KLRB1: variants seen among roughly 807,000 people sequenced by gnomAD.
KLRB1 encodes killer cell lectin like receptor B1.
KLRB1 carries 27 observed loss-of-function variants against 33.5 expected under a neutral mutation model. The ratio of observed to expected loss-of-function variants is 0.81; its 90% CI spans 0.59 to 1.11. KLRB1 has a LOEUF of 1.11. Among genes scored for constraint, KLRB1 ranks in the 50% most tolerant of loss-of-function variants. The pLI is 0.00. For synonymous variants in KLRB1, 64 were observed against 88.9 expected, an observed-to-expected ratio of 0.72 and a Z score of 1.58; for missense variants, 241 against 254.1, an observed-to-expected ratio of 0.95 and a Z score of 0.35.
intron 1 of KLRB1, among the ~76,000 whole-genome samples, chr12:9,607,518 G>A (rs933126325): frequency 6.6e-6 from 1 of 151,566 alleles, no homozygotes; most frequent in Non-Finnish European, 1.5e-5. Flanking sequence ...CCAAGGCTCA[G>A]TAAGACAAGT....
chr12:9,597,106 T>C (rs935459789), intron 5 of KLRB1, among the ~76,000 whole-genome samples: 1 of 152,146 alleles, frequency 6.6e-6, no homozygotes, highest in African/African-American at 2.4e-5. Flanking sequence ...TTTAATACTT[T>C]CCATACTTAA....
At chr12:9,595,466 C>A in intron 5 of KLRB1, 45 bp from the exon 6 acceptor site, 1 of 1,575,692 alleles carries the variant, frequency 6.3e-7, no homozygotes, top group Non-Finnish European at 8.7e-7. Context: ...ATGATTTTCT[C>A]AGAGCTATTC....
At chr12:9,606,777 G>T (rs1159097975) in intron 1 of KLRB1, among the ~76,000 whole-genome samples, 459 of 31,968 alleles carry the variant, frequency 0.014, no homozygotes, top group Middle Eastern at 0.019. Flanking sequence ...TTTTTTTTTT[G>T]AGATAGTCTT....
rs1555097806 is a variant in KLRB1, at chr12:9,607,366, T to TTCTTTCTTTCTTTCTC, written c.85+388_85+389insGAGAAAGAAAGAAAGA. 2.4e-3 allele frequency among the ~76,000 whole-genome samples: 200 copies of TTCTTTCTTTCTTTCTC among 82,146 alleles called. 2 individuals carry two copies. The highest frequency in any genetic ancestry group is 6.4e-3 in the Middle Eastern group (1 of 156). The allele number at this position is 82,146 out of a possible 152,430, so 53.9% of individuals were successfully genotyped here. The stretch of plus-strand genomic sequence containing the variant: ...TTTCTTTCTTTCTTCCTTTCTTTCT[T>TTCTTTCTTTCTTTCTC]TCTTTCTTTCTTTCTTTCTTTCTTT... On this transcript the variant is annotated intron_variant, in intron 1 of 5. Transcript: ENST00000229402.
At chr12:9,597,426 G>C (rs61913642) in intron 5 of KLRB1, among the ~76,000 whole-genome samples, 145,203 of 152,054 alleles carry the variant, frequency 0.95, 69,697 homozygotes, top group East Asian at 1. Context: ...TGTCGCAAAT[G>C]CCTCATAGTA....
chr12:9,595,405 C>G lies in KLRB1; in HGVS notation c.547G>C (p.Asp183His). ...GAAATACAGCTGTTTTCTTTAGCAT[C>G]ACCTCTAATTTCTAAGCTGTGGAGC... Reference protein sequence around the residue: ...LNSNDLEIRGDAKENSCISIS... With the variant: ...LNSNDLEIRGHAKENSCISIS... Residue 183 changes from aspartate to histidine, a missense_variant, in exon 6 of 6, where the codon GAT becomes CAT. Asp to His is a moderately conservative substitution (Grantham distance 81). Coordinates refer to ENST00000229402, the MANE Select transcript of KLRB1 (RefSeq NM_002258.3). 6.2e-7 allele frequency: 1 copy of G among 1,612,584 alleles called. No homozygotes were observed. The highest frequency in any genetic ancestry group is 8.5e-7 in the Non-Finnish European group (1 of 1,179,550).
chr12:9,599,397 A>G (rs932617377), intron 3 of KLRB1, among the ~76,000 whole-genome samples: 10 of 152,238 alleles, frequency 6.6e-5, no homozygotes, highest in South Asian at 2.1e-4. Flanking sequence ...AATTCATTCT[A>G]TGTTTAAGTT....
intron 5 of KLRB1, among the ~76,000 whole-genome samples, chr12:9,596,862 C>CT (rs2120706540): frequency 6.6e-6 from 1 of 152,240 alleles, no homozygotes; most frequent in East Asian, 1.9e-4. Flanking sequence ...AGCAAACCTA[C>CT]TTTCATTTAT....
intron 1 of KLRB1, among the ~76,000 whole-genome samples, chr12:9,606,760 A>T (rs55872068): frequency 0.54 from 34,000 of 63,220 alleles, 8,383 homozygotes; most frequent in South Asian, 0.62. Flanking sequence ...ATATATATAT[A>T]TTTTTTTTTT....
chr12:9,607,335 C>CTTCCTTCCTTTCTTT (rs1491505010), intron 1 of KLRB1, among the ~76,000 whole-genome samples: 72 of 65,252 alleles, frequency 1.1e-3, no homozygotes, highest in South Asian at 3.4e-3. Flanking sequence ...CTCTTTCTTT[C>CTTCCTTCCTTTCTTT]CTTTCTTTCT....
chr12:9,598,297 T>A (rs1864509759), intron 4 of KLRB1, 136 bp from the exon 5 acceptor site: 5 of 731,920 alleles, frequency 6.8e-6, no homozygotes, highest in Non-Finnish European at 1.2e-5. Context: ...TTCTTTGTGA[T>A]ATTTCTGTCT....
chr12:9,604,157 C>G (rs936202028), intron 1 of KLRB1, among the ~76,000 whole-genome samples: 2 of 151,968 alleles, frequency 1.3e-5, no homozygotes, highest in African/African-American at 2.4e-5. Context: ...TTCTGTGGCA[C>G]CACGTGACAT....
At chr12:9,607,294 TTCTC>T (rs1365862822) in intron 1 of KLRB1, among the ~76,000 whole-genome samples, 3 of 96,898 alleles carry the variant, frequency 3.1e-5, no homozygotes, top group East Asian at 5.3e-4. Context: ...TTCTTTTTCT[TTCTC>T]TCCTTTCTTT....
At chr12:9,596,844 AAATT>A (rs1170089823) in intron 5 of KLRB1, among the ~76,000 whole-genome samples, 2 of 152,302 alleles carry the variant, frequency 1.3e-5, no homozygotes, top group South Asian at 2.1e-4. Context: ...AGATAAAAAT[AAATT>A]AATAGCAAAC....
In KLRB1 at chr12:9,607,325, C is replaced by CT. The variant is rs879484074; in HGVS notation, c.85+429dup. 4.0e-4 allele frequency among the ~76,000 whole-genome samples: 21 copies of CT among 52,268 alleles called. 1 individual carries two copies. The highest frequency in any genetic ancestry group is 7.3e-4 in the Non-Finnish European group (17 of 23,410). The allele number at this position is 52,268 out of a possible 152,430, so 34.3% of individuals were successfully genotyped here. A position where few individuals can be genotyped will look rare whatever the true frequency, so the allele number is the denominator to read the frequency against. On this transcript the variant is annotated intron_variant, in intron 1 of 5. Coordinates refer to ENST00000229402, the MANE Select transcript of KLRB1 (RefSeq NM_002258.3). The stretch of plus-strand genomic sequence containing the variant: ...CCTTTCTTTCTTTCTTCTTTTCTTT[C>CT]TCTTTCTTTCCTTTCTTTCTTTCTT...
intron 1 of KLRB1, among the ~76,000 whole-genome samples, chr12:9,607,335 C>CCTTTCTTTCTTTCTTCCTTTCTTTCTTT (rs1565444534): frequency 2.0e-4 from 13 of 65,268 alleles, no homozygotes; most frequent in Non-Finnish European, 2.5e-4. Context: ...CTCTTTCTTT[C>CCTTTCTTTCTTTCTTCCTTTCTTTCTTT]CTTTCTTTCT....
intron 5 of KLRB1, 63 bp downstream of exon 5, chr12:9,597,983 T>TA (rs1864506744): frequency 1.3e-6 from 1 of 758,762 alleles, no homozygotes; most frequent in South Asian, 1.6e-5. Flanking sequence ...TCTTCAGTGT[T>TA]ACTACCTTGC....
At chr12:9,601,900 A>G (rs1864548160) in intron 1 of KLRB1, among the ~76,000 whole-genome samples, 1 of 152,240 alleles carries the variant, frequency 6.6e-6, no homozygotes, top group Admixed American at 6.5e-5. Flanking sequence ...AGATGTTTTG[A>G]AAATTGCCAA....
chr12:9,604,359 T>C (rs1376029441), intron 1 of KLRB1, among the ~76,000 whole-genome samples: 1 of 152,092 alleles, frequency 6.6e-6, no homozygotes, highest in Non-Finnish European at 1.5e-5. Flanking sequence ...TATGTCCCTA[T>C]TTAAGCTGGC....
Sources: gnomAD v4.1 joint callset for allele counts (sites outside exome capture counted in the v4.1 genomes callset) on GRCh38, gnomAD v4.1.1 for gene constraint, MANE v1.5 for transcripts, NCBI Gene and HGNC (gene_info 2026-07-23, HGNC 2026-07-21) for gene names.